Variants in ATP11B observed in about 807,000 individuals in gnomAD.
ATP11B encodes phospholipid-transporting ATPase IF.
Under a neutral mutation model 157.8 loss-of-function variants are expected in ATP11B, and 81 were observed. The ratio of observed to expected loss-of-function variants is 0.51; its 90% CI spans 0.43 to 0.62. The LOEUF (loss-of-function observed/expected upper bound fraction) is 0.62. Among genes scored for constraint, ATP11B ranks in the 20% least tolerant of loss-of-function variants. The pLI, the probability that ATP11B is intolerant of heterozygous loss-of-function variation, is 0.00. For synonymous variants in ATP11B, 451 were observed against 469.4 expected, an observed-to-expected ratio of 0.96 and a Z score of 0.51; for missense variants, 1,165 against 1,402.2, an observed-to-expected ratio of 0.83 and a Z score of 2.70.
chr3:182,919,584 G>A lies in ATP11B; in HGVS notation c.*1480G>A, dbSNP rs984028175. ...ACATATTAAGATAATGGTTAAATGC[G>A]GTTTTACCAAGTTTTCCCTTGAAAA... On this transcript the variant is annotated 3_prime_UTR_variant, in exon 30 of 30. Coordinates refer to ENST00000323116, the MANE Select transcript of ATP11B (RefSeq NM_014616.3). The A allele has an allele frequency of 3.3e-5, 5 of 152,162 alleles. No individual in the cohort carries two copies. Among genetic ancestry groups the A allele is most frequent in the Non-Finnish European group, 5.9e-5 (4 of 68,010 alleles). The allele number at this position is 152,162 out of a possible 1,614,324, so 9.4% of individuals were successfully genotyped here. A position where few individuals can be genotyped will look rare whatever the true frequency, so the allele number is the denominator to read the frequency against.
chr3:182,873,667 T>C, intron 18 of ATP11B, 145 bp from the exon 19 acceptor site: 1 of 657,720 alleles, frequency 1.5e-6, no homozygotes, highest in Non-Finnish European at 2.5e-6. Context: ...TGAGAGAAAA[T>C]TCCAGTTATA....
intron 1 of ATP11B, among the ~76,000 whole-genome samples, chr3:182,819,016 T>A (rs1328375832): frequency 6.6e-6 from 1 of 151,442 alleles, no homozygotes; most frequent in Non-Finnish European, 1.5e-5. Context: ...GATATTGCTT[T>A]CAGCCCATCA....
At chr3:182,802,334 G>C (rs9835990) in intron 1 of ATP11B, among the ~76,000 whole-genome samples, 5,301 of 152,160 alleles carry the variant, frequency 0.035, 315 homozygotes, top group African/African-American at 0.12. Flanking sequence ...TTATTAAACA[G>C]GTTAGATCAT....
At chr3:182,877,839 A>C (rs907339579) in intron 19 of ATP11B, among the ~76,000 whole-genome samples, 23 of 152,182 alleles carry the variant, frequency 1.5e-4, no homozygotes, top group African/African-American at 5.1e-4. Context: ...GTGCTTTTCC[A>C]TATTTCTTAA....
At position 182,865,687 on chromosome 3, in the gene ATP11B, G is replaced by A. The variant is rs759247504; in HGVS notation, c.1432G>A (p.Glu478Lys). ...CTCTTTCAGAACCAGTCCTGAAAAT[G>A]AAACTGAACTAGTAAGTAATTTTTA... ...SSSFRTSPEN[E>K]TELIKEHDLF... is the part of the protein sequence containing the mutation. The change falls in exon 13 of 30, where the codon GAA (glutamate) becomes AAA (lysine). Residue 478 changes from glutamate to lysine, a missense_variant. By Grantham distance (56) the Glu-to-Lys change is moderately conservative (BLOSUM62 1). Coordinates refer to ENST00000323116, the MANE Select transcript of ATP11B (RefSeq NM_014616.3). 4 of 1,610,776 alleles carry A rather than the reference G, an allele frequency of 2.5e-6. No homozygotes were observed. Among genetic ancestry groups the A allele is most frequent in the Non-Finnish European group, 3.4e-6 (4 of 1,178,324 alleles).
At chr3:182,795,425 G>A (rs1430242734) in intron 1 of ATP11B, among the ~76,000 whole-genome samples, 1 of 152,158 alleles carries the variant, frequency 6.6e-6, no homozygotes, top group Non-Finnish European at 1.5e-5. Flanking sequence ...ATAAAATCCT[G>A]GTTGTATAAC....
intron 28 of ATP11B, among the ~76,000 whole-genome samples, chr3:182,907,947 A>G (rs1724488932): frequency 6.6e-6 from 1 of 152,186 alleles, no homozygotes; most frequent in Admixed American, 6.5e-5. Flanking sequence ...CCAAGGAATG[A>G]TAAGTGAATT....
At chr3:182,838,038 C>T (rs1446796321) in intron 7 of ATP11B, among the ~76,000 whole-genome samples, 1 of 152,006 alleles carries the variant, frequency 6.6e-6, no homozygotes, top group Non-Finnish European at 1.5e-5. Flanking sequence ...TATATATCTC[C>T]CCCTGTTGGT....
intron 18 of ATP11B, among the ~76,000 whole-genome samples, chr3:182,873,514 G>A (rs1721816314): frequency 6.6e-6 from 1 of 152,112 alleles, no homozygotes; most frequent in African/African-American, 2.4e-5. Context: ...AATAAAACAG[G>A]AGTTTATGAA....
intron 1 of ATP11B, among the ~76,000 whole-genome samples, chr3:182,807,947 T>C (rs1370664082): frequency 1.3e-5 from 2 of 152,230 alleles, no homozygotes; most frequent in Non-Finnish European, 2.9e-5. Context: ...TGGCTTGATA[T>C]TTCAGAATGA....
rs115974120 is a variant in ATP11B, at chr3:182,862,419, T to C, written c.1201-3037T>C. ...TGCTTATGGCTGCTAGAGCTGGCCA[T>C]TGGATACCTGTTTTTAGTGCACTGC... On this transcript the variant is annotated intron_variant, in intron 12 of 29. Coordinates refer to ENST00000323116, the MANE Select transcript of ATP11B (RefSeq NM_014616.3). Among the ~76,000 whole-genome samples, 502 of 152,294 alleles carry C rather than the reference T, an allele frequency of 3.3e-3. 6 individuals carry two copies. Among genetic ancestry groups the C allele is most frequent in the African/African-American group, 0.012 (486 of 41,572 alleles).
intron 14 of ATP11B, among the ~76,000 whole-genome samples, 158 bp from the exon 15 acceptor site, chr3:182,867,218 C>CAGCA (rs1721308327): frequency 6.7e-6 from 1 of 148,748 alleles, no homozygotes; most frequent in Non-Finnish European, 1.5e-5. Context: ...CATGAGCCAC[C>CAGCA]ACTCCTGGCA....
At position 182,859,325 on chromosome 3, in the gene ATP11B, T is replaced by G. The variant is rs1720655213; in HGVS notation, c.1166T>G (p.Val389Gly). The G allele has an allele frequency of 1.2e-6, 2 of 1,608,560 alleles. No homozygotes were observed. The highest frequency in any genetic ancestry group is 1.7e-6 in the Non-Finnish European group (2 of 1,177,086). ...YHEESDQKAQ[V>G]NTSDLNEELG... ...GAAGAATCAGATCAGAAAGCTCAAGTCAATACTTCCGATCTGAATGAAGAG... is the reference window on the plus strand; with the variant it reads ...GAAGAATCAGATCAGAAAGCTCAAGGCAATACTTCCGATCTGAATGAAGAG... Residue 389 changes from valine (V) to glycine (G), a missense_variant, in exon 12 of 30, where the codon GTC becomes GGC. Coordinates refer to ENST00000323116, the MANE Select transcript of ATP11B (RefSeq NM_014616.3).
intron 20 of ATP11B, among the ~76,000 whole-genome samples, chr3:182,880,571 AT>A (rs1722351693): frequency 6.6e-6 from 1 of 152,146 alleles, no homozygotes; most frequent in African/African-American, 2.4e-5. Flanking sequence ...TAACAGTTCA[AT>A]TAAGTAGTCA....
chr3:182,823,282 A>C (rs1296169138), intron 2 of ATP11B, among the ~76,000 whole-genome samples: 2 of 152,252 alleles, frequency 1.3e-5, no homozygotes, highest in South Asian at 4.2e-4. Context: ...ATCTTGAATT[A>C]ATTTTTGTAT....
intron 2 of ATP11B, among the ~76,000 whole-genome samples, chr3:182,823,120 T>G (rs1242102434): frequency 2.0e-5 from 3 of 152,240 alleles, no homozygotes; most frequent in African/African-American, 7.2e-5. Context: ...TTAGTTGAAT[T>G]AGATCCCATT....
rs1378700937 is a variant in ATP11B at position 182,857,821 on chromosome 3, A to C, written c.852-57A>C. 3 of 1,124,754 alleles carry C rather than the reference A, an allele frequency of 2.7e-6. No individual in the cohort carries two copies. In the African/African-American group the frequency reaches 4.6e-5, roughly 17 times the overall value. The allele number at this position is 1,124,754 out of a possible 1,614,324, so 69.7% of individuals were successfully genotyped here. On this transcript the variant is annotated intron_variant, in intron 10 of 29. Coordinates refer to ENST00000323116, the MANE Select transcript of ATP11B (RefSeq NM_014616.3). The stretch of plus-strand genomic sequence containing the variant: ...CTAATACAAGTACTAATTTTCAAGC[A>C]AATGAATATAGTAATACATGAGTTG...
intron 9 of ATP11B, among the ~76,000 whole-genome samples, chr3:182,847,807 T>A (rs373839408): frequency 2.0e-4 from 31 of 152,314 alleles, no homozygotes; most frequent in African/African-American, 7.5e-4. Context: ...GATGTAGAAC[T>A]AATAAGTGGC....
chr3:182,889,643 ACTT>A (rs1302178805), intron 25 of ATP11B, 95 bp downstream of exon 25: 2 of 1,096,294 alleles, frequency 1.8e-6, no homozygotes, highest in Non-Finnish European at 2.5e-6. Flanking sequence ...AAATTACAGA[ACTT>A]CAAGTATTAA....
Sources: allele counts gnomAD v4.1 joint callset (sites outside exome capture counted in the v4.1 genomes callset), GRCh38; gene constraint gnomAD v4.1.1; transcripts MANE v1.5; gene names NCBI Gene and HGNC (gene_info 2026-07-23, HGNC 2026-07-21).